Variants in PTPRG observed in about 807,000 individuals in gnomAD.
The protein encoded by PTPRG is receptor-type tyrosine-protein phosphatase gamma.
A neutral mutation model predicts 165.3 loss-of-function variants in PTPRG; 102 were observed. That is an observed-to-expected ratio of 0.62 (90% CI 0.53 to 0.73). The LOEUF is 0.73. Ranked by LOEUF, PTPRG falls within the 30% of genes least tolerant of loss-of-function variation. The pLI, the probability that PTPRG is intolerant of heterozygous loss-of-function variation, is 0.00. For missense variants in PTPRG, 1,866 were observed against 1,861.4 expected, an observed-to-expected ratio of 1.00 and a Z score of -0.05; for synonymous variants, 675 against 669.5, an observed-to-expected ratio of 1.01 and a Z score of -0.13.
At chr3:61,847,834 GA>G (rs774815314) in intron 2 of PTPRG, among the ~76,000 whole-genome samples, 7 of 152,240 alleles carry the variant, frequency 4.6e-5, no homozygotes, top group Non-Finnish European at 7.3e-5. Context: ...GATGCAGACA[GA>G]GGCTTAAGAC....
chr3:61,672,088 C>T (rs1281833898), intron 1 of PTPRG, among the ~76,000 whole-genome samples: 2 of 149,252 alleles, frequency 1.3e-5, no homozygotes, highest in African/African-American at 2.5e-5. Context: ...GACGGGGCAG[C>T]AGGGCAGAGG....
At chr3:61,756,417 A>G (rs2033635951) in intron 2 of PTPRG, among the ~76,000 whole-genome samples, 1 of 152,228 alleles carries the variant, frequency 6.6e-6, no homozygotes, top group Admixed American at 6.5e-5. Flanking sequence ...ATGGTCACAC[A>G]CTAATCAGAA....
intron 2 of PTPRG, among the ~76,000 whole-genome samples, chr3:61,982,199 C>G (rs191192102): frequency 2.4e-4 from 36 of 152,282 alleles, no homozygotes; most frequent in African/African-American, 8.7e-4. Context: ...ACGAACTCAT[C>G]TCCATTTTAT....
At chr3:61,646,484 C>A (rs1387411781) in intron 1 of PTPRG, among the ~76,000 whole-genome samples, 1 of 152,182 alleles carries the variant, frequency 6.6e-6, no homozygotes, top group Non-Finnish European at 1.5e-5. Flanking sequence ...TAGAAATGCT[C>A]CCATTCAAAA....
At chr3:61,643,291 G>GAGAGAGAC in intron 1 of PTPRG, among the ~76,000 whole-genome samples, 1 of 152,024 alleles carries the variant, frequency 6.6e-6, no homozygotes, top group East Asian at 1.9e-4. Context: ...GAGAGAGAGA[G>GAGAGAGAC]AGACAGAGAC....
At chr3:61,669,811 G>A (rs1702917902) in intron 1 of PTPRG, among the ~76,000 whole-genome samples, 1 of 152,160 alleles carries the variant, frequency 6.6e-6, no homozygotes, top group Non-Finnish European at 1.5e-5. Flanking sequence ...GTGGACAGCT[G>A]GTTGGGTGTT....
chr3:61,656,385 C>T (rs1004268609), intron 1 of PTPRG, among the ~76,000 whole-genome samples: 1 of 152,134 alleles, frequency 6.6e-6, no homozygotes, highest in Non-Finnish European at 1.5e-5. Flanking sequence ...CCATAGCCCC[C>T]AATTTACATA....
chr3:61,938,865 T>C (rs1043487457), intron 2 of PTPRG, among the ~76,000 whole-genome samples: 4 of 152,348 alleles, frequency 2.6e-5, no homozygotes, highest in Admixed American at 6.5e-5. Flanking sequence ...CCAGGTATAA[T>C]TGGTTTCGAG....
chr3:61,957,713 A>C (rs1281110787), intron 2 of PTPRG, among the ~76,000 whole-genome samples: 1 of 152,222 alleles, frequency 6.6e-6, no homozygotes, highest in Non-Finnish European at 1.5e-5. Flanking sequence ...TGACTGGTCA[A>C]AAGGATTTCA....
At chr3:61,638,036 A>C (rs1033948062) in intron 1 of PTPRG, among the ~76,000 whole-genome samples, 1 of 152,196 alleles carries the variant, frequency 6.6e-6, no homozygotes. Context: ...ATTACAAAAA[A>C]AATTCTTGGT....
At chr3:61,696,899 A>G (rs1379025762) in intron 1 of PTPRG, among the ~76,000 whole-genome samples, 1 of 152,146 alleles carries the variant, frequency 6.6e-6, no homozygotes, top group Non-Finnish European at 1.5e-5. Context: ...TGTGACCTGA[A>G]AGTCTTTTAA....
chr3:61,880,617 T>C (rs2107468991), intron 2 of PTPRG, among the ~76,000 whole-genome samples: 1 of 123,544 alleles, frequency 8.1e-6, no homozygotes, highest in Admixed American at 8.6e-5. Context: ...ACGCGAACCC[T>C]GTCTCAAAAA....
chr3:62,220,483 G>C (rs1206492154), intron 13 of PTPRG, among the ~76,000 whole-genome samples: 1 of 152,106 alleles, frequency 6.6e-6, no homozygotes, highest in Non-Finnish European at 1.5e-5. Context: ...TTTTGAAGGT[G>C]GGAGCAACAG....
chr3:61,763,087 C>G (rs563767948), intron 2 of PTPRG, among the ~76,000 whole-genome samples: 1 of 152,280 alleles, frequency 6.6e-6, no homozygotes, highest in East Asian at 1.9e-4. Context: ...GTTGTCCAGA[C>G]TTGGATCGTG....
chr3:61,916,628 T>C (rs2038942864), intron 2 of PTPRG, among the ~76,000 whole-genome samples: 1 of 152,246 alleles, frequency 6.6e-6, no homozygotes, highest in South Asian at 2.1e-4. Context: ...TTATTGTTAT[T>C]ATTATATTTA....
intron 1 of PTPRG, among the ~76,000 whole-genome samples, chr3:61,697,688 C>G (rs2030686852): frequency 6.6e-6 from 1 of 152,176 alleles, no homozygotes; most frequent in Non-Finnish European, 1.5e-5. Flanking sequence ...AAGCTATTGT[C>G]TGTCCTTTGG....
intron 1 of PTPRG, among the ~76,000 whole-genome samples, chr3:61,682,538 G>A (rs1575587413): frequency 6.6e-6 from 1 of 152,308 alleles, no homozygotes; most frequent in South Asian, 2.1e-4. Flanking sequence ...ACTTCATTCT[G>A]TGTTTTTTCA....
rs530117220 is a variant in PTPRG, at chr3:62,040,886, G to A, written c.520-37277G>A. On this transcript the variant is annotated intron_variant, in intron 4 of 29. Transcript: ENST00000474889. ...CCTCTGCATATATAGAGGAGTTTCAGCAGTTTTGCCATCTTTGGGTGACTG... is the reference window on the plus strand; with the variant it reads ...CCTCTGCATATATAGAGGAGTTTCAACAGTTTTGCCATCTTTGGGTGACTG... 2.0e-5 allele frequency among the ~76,000 whole-genome samples: 3 copies of A among 152,336 alleles called. No individual in the cohort carries two copies. In the East Asian group the frequency reaches 5.8e-4, roughly 29 times the overall value.
intron 1 of PTPRG, among the ~76,000 whole-genome samples, chr3:61,713,647 T>C (rs1244013195): frequency 1.3e-5 from 2 of 152,212 alleles, no homozygotes; most frequent in African/African-American, 4.8e-5. Context: ...ATGATTTTTC[T>C]AAAGGTAATG....
Sources: allele counts gnomAD v4.1 joint callset (sites outside exome capture counted in the v4.1 genomes callset), GRCh38; gene constraint gnomAD v4.1.1; transcripts MANE v1.5; gene names NCBI Gene and HGNC (gene_info 2026-07-23, HGNC 2026-07-21).